The following CEACAM21 variants were observed in gnomAD, a reference collection of about 807,000 sequenced individuals.
CEACAM21 encodes cell adhesion molecule CEACAM21.
In CEACAM21, 38 loss-of-function variants were observed where a neutral mutation model predicts 33.2. The ratio of observed to expected loss-of-function variants is 1.14; its 90% CI spans 0.88 to 1.50. The LOEUF is 1.50. Ranked by LOEUF, CEACAM21 falls within the 40% of genes most tolerant of loss-of-function variation. CEACAM21 has a pLI of 0.00. For synonymous variants in CEACAM21, 156 were observed against 143.0 expected, an observed-to-expected ratio of 1.09 and a Z score of -0.65; for missense variants, 385 against 364.6, an observed-to-expected ratio of 1.06 and a Z score of -0.46.
intron 6 of CEACAM21, chr19:41,586,223 C>G: frequency 1.9e-6 from 1 of 539,524 alleles, no homozygotes. Flanking sequence ...ATATTCTGGT[C>G]CCTTGGGCCC....
intron 4 of CEACAM21, among the ~76,000 whole-genome samples, chr19:41,584,958 G>T (rs1555794769): frequency 6.6e-6 from 1 of 152,210 alleles, no homozygotes; most frequent in Non-Finnish European, 1.5e-5. Context: ...TATGTCTCTT[G>T]CCAAAGGGCA....
intron 1 of CEACAM21, among the ~76,000 whole-genome samples, chr19:41,559,773 G>A (rs1366840274): frequency 6.6e-6 from 1 of 152,144 alleles, no homozygotes; most frequent in African/African-American, 2.4e-5. Context: ...TAGATAAAAT[G>A]GATGAACACC....
At chr19:41,581,254 A>G (rs2043357870) in intron 3 of CEACAM21, among the ~76,000 whole-genome samples, 1 of 152,276 alleles carries the variant, frequency 6.6e-6, no homozygotes, top group Non-Finnish European at 1.5e-5. Context: ...AGCAATCTGC[A>G]TCTTAAGGGC....
At chr19:41,579,689 G>T in intron 3 of CEACAM21, 61 bp downstream of exon 3, 2 of 1,183,324 alleles carry the variant, frequency 1.7e-6, no homozygotes, top group Non-Finnish European at 2.3e-6. Context: ...AGGGAGGGGG[G>T]GTGTAAAATG....
At chr19:41,579,173 G>C (rs1428907396) in intron 2 of CEACAM21, 180 bp from the exon 3 acceptor site, 6 of 963,164 alleles carry the variant, frequency 6.2e-6, no homozygotes, top group Non-Finnish European at 9.2e-6. Context: ...GGTCCCTGGG[G>C]TCTCTGAGGT....
At chr19:41,574,182 A>G (rs573242587), upstream of CEACAM21, among the ~76,000 whole-genome samples, 4 of 152,386 alleles carry the variant, frequency 2.6e-5, no homozygotes, top group Admixed American at 6.5e-5. Context: ...CTCACAGCCC[A>G]TACAAAAGTT....
At chr19:41,555,586 T>C (rs2041481542) in intron 1 of CEACAM21, 1 of 151,732 alleles carries the variant, frequency 6.6e-6, no homozygotes, top group Non-Finnish European at 1.5e-5. Flanking sequence ...TCTTTGAAAA[T>C]CAAAAATCCC....
intron 3 of CEACAM21, among the ~76,000 whole-genome samples, chr19:41,582,325 G>T (rs958117109): frequency 8.5e-5 from 13 of 152,238 alleles, no homozygotes; most frequent in African/African-American, 2.9e-4. Flanking sequence ...GGCTGGCGTT[G>T]AGTGTCTGCA....
chr19:41,556,732 G>T (rs1430806784), intron 1 of CEACAM21, among the ~76,000 whole-genome samples: 3 of 152,204 alleles, frequency 2.0e-5, no homozygotes, highest in African/African-American at 7.2e-5. Context: ...TTGAAGCTAG[G>T]CCACAATATA....
At chr19:41,571,967 G>A (rs58130933), upstream of CEACAM21, among the ~76,000 whole-genome samples, 1,208 of 149,038 alleles carry the variant, frequency 8.1e-3, 14 homozygotes, top group African/African-American at 0.028. Context: ...TTTTTTTTTG[G>A]TAGTCAGAAG....
chr19:41,576,162 C>T (rs1555790935), upstream of CEACAM21: 8 of 1,286,152 alleles, frequency 6.2e-6, no homozygotes, highest in Non-Finnish European at 8.8e-6. Context: ...AGAGGAAGCT[C>T]AGCATAGAGG....
intron 2 of CEACAM21, among the ~76,000 whole-genome samples, chr19:41,565,396 T>C (rs1372197831): frequency 6.6e-6 from 1 of 152,096 alleles, no homozygotes; most frequent in Non-Finnish European, 1.5e-5. Context: ...TGAGAGCCAG[T>C]CCTTACCCTG....
chr19:41,580,470 G>A (rs1159245841), intron 3 of CEACAM21, among the ~76,000 whole-genome samples: 5 of 152,096 alleles, frequency 3.3e-5, no homozygotes, highest in Non-Finnish European at 7.4e-5. Flanking sequence ...CACAAGTCTG[G>A]GCCTCCAGAG....
intron 2 of CEACAM21, among the ~76,000 whole-genome samples, chr19:41,578,340 A>G (rs1247746071): frequency 1.3e-5 from 2 of 149,282 alleles, no homozygotes; most frequent in Non-Finnish European, 3.0e-5. Flanking sequence ...ATAATAGATG[A>G]TGTTTATTTG....
At chr19:41,551,779 A>C (rs1032973649) in intron 1 of CEACAM21, 1 of 152,140 alleles carries the variant, frequency 6.6e-6, no homozygotes, top group African/African-American at 2.4e-5. Context: ...ACAGTATGAA[A>C]ATGGCCTCCT....
intron 1 of CEACAM21, among the ~76,000 whole-genome samples, chr19:41,557,945 A>G (rs558575481): frequency 6.6e-6 from 1 of 152,228 alleles, no homozygotes; most frequent in Non-Finnish European, 1.5e-5. Flanking sequence ...GAGAAGTAGC[A>G]AATGATAGAG....
chr19:41,569,508 C>T (rs1215171219), intron 2 of CEACAM21, among the ~76,000 whole-genome samples: 1 of 151,808 alleles, frequency 6.6e-6, no homozygotes, highest in African/African-American at 2.4e-5. Flanking sequence ...GATGGGATTG[C>T]GGGGGGCGGG....
At chr19:41,582,656 T>C (rs2043497710) in intron 3 of CEACAM21, among the ~76,000 whole-genome samples, 1 of 152,242 alleles carries the variant, frequency 6.6e-6, no homozygotes, top group African/African-American at 2.4e-5. Context: ...GTTTGGGGCT[T>C]GCACCCTCTG....
Position 41,576,180 on chromosome 19 carries a change from G to C in CEACAM21, c.-95G>C. The C allele has an allele frequency of 1.4e-6, 2 of 1,436,060 alleles. No individual in the cohort carries two copies. Among genetic ancestry groups the C allele is most frequent in the Non-Finnish European group, 1.9e-6 (2 of 1,027,602 alleles). The allele number at this position is 1,436,060 out of a possible 1,614,324, so 89.0% of individuals were successfully genotyped here. A position where few individuals can be genotyped will look rare whatever the true frequency, so the allele number is the denominator to read the frequency against. On this transcript the variant is annotated 5_prime_UTR_variant, in exon 1 of 7. Coordinates refer to ENST00000401445, the MANE Select transcript of CEACAM21 (RefSeq NM_001098506.4). ...GGAAGCTCAGCATAGAGGAAGGAAG[G>C]ACAGCAGAGACAACAGTCACAGTAA...
Sources: gnomAD v4.1 joint callset for allele counts (sites outside exome capture counted in the v4.1 genomes callset) on GRCh38, gnomAD v4.1.1 for gene constraint, MANE v1.5 for transcripts, NCBI Gene and HGNC (gene_info 2026-07-23, HGNC 2026-07-21) for gene names.